The following NUDT3 variants were observed in gnomAD, a reference collection of about 807,000 sequenced individuals.
NUDT3 encodes the protein nudix hydrolase 3.
In NUDT3, 9 loss-of-function variants were observed where a neutral mutation model predicts 23.6. That is an observed-to-expected ratio of 0.38 (90% CI 0.23 to 0.66). The LOEUF (loss-of-function observed/expected upper bound fraction) is 0.66. NUDT3 is among the 30% of genes least tolerant of loss of function. The pLI, the probability that NUDT3 is intolerant of heterozygous loss-of-function variation, is 0.52. For missense variants in NUDT3, 172 were observed against 218.5 expected, an observed-to-expected ratio of 0.79 and a Z score of 1.34; for synonymous variants, 86 against 82.6, an observed-to-expected ratio of 1.04 and a Z score of -0.22.
At chr6:34,350,231 G>A (rs911018491) in intron 1 of NUDT3, among the ~76,000 whole-genome samples, 2 of 150,884 alleles carry the variant, frequency 1.3e-5, no homozygotes, top group Non-Finnish European at 2.9e-5. Flanking sequence ...CACTCAACAT[G>A]ATCTTGTTTC....
chr6:34,366,373 C>T (rs1450780058), intron 1 of NUDT3, among the ~76,000 whole-genome samples: 3 of 145,028 alleles, frequency 2.1e-5, no homozygotes, highest in South Asian at 2.2e-4. Flanking sequence ...AAGACCTTGT[C>T]GAAAAAAGAA....
chr6:34,315,207 A>C (rs7739939), intron 2 of NUDT3, among the ~76,000 whole-genome samples: 16,173 of 152,230 alleles, frequency 0.11, 914 homozygotes, highest in Non-Finnish European at 0.12. Context: ...ACTGGTTTTG[A>C]ATTCTTAAGT....
Position 34,357,296 on chromosome 6 carries a change from G to A in NUDT3, c.100-15324C>T, listed in dbSNP as rs116510348. Among the ~76,000 whole-genome samples, 1,395 of 152,144 alleles carry A rather than the reference G, an allele frequency of 9.2e-3. 15 individuals carry two copies. The highest frequency in any genetic ancestry group is 0.024 in the Middle Eastern group (7 of 294). On this transcript the variant is annotated intron_variant, in intron 1 of 4. Transcript: ENST00000607016. ...CACTATACTATTCAGTCCACTTTGG[G>A]AGAGGTTTTAAGTTTTCCATAATAA...
intron 2 of NUDT3, among the ~76,000 whole-genome samples, chr6:34,321,267 A>G (rs1022196797): frequency 2.6e-5 from 4 of 151,858 alleles, no homozygotes; most frequent in African/African-American, 9.7e-5. Flanking sequence ...GTGAAACCCC[A>G]TCTCTACTAA....
rs531968928 is a variant in NUDT3 at position 34,375,268 on chromosome 6, G to A, written c.99+16996C>T. 5.3e-5 allele frequency among the ~76,000 whole-genome samples: 8 copies of A among 152,144 alleles called. No homozygotes were observed. In the East Asian group the frequency reaches 1.4e-3, roughly 26 times the overall value. ...CTGAGGCAGGGGAATTGCTTGAAAC[G>A]GGGAGGCAGAGGTTGCAGTGAGCTG... On this transcript the variant is annotated intron_variant, in intron 1 of 4. Transcript: ENST00000607016.
At chr6:34,360,426 T>C (rs981662106) in intron 1 of NUDT3, among the ~76,000 whole-genome samples, 3 of 151,752 alleles carry the variant, frequency 2.0e-5, no homozygotes, top group East Asian at 1.9e-4. Context: ...ATACAAAAAT[T>C]AGCCAGGCAT....
intron 2 of NUDT3, among the ~76,000 whole-genome samples, chr6:34,304,179 G>C (rs1581854006): frequency 6.6e-6 from 1 of 151,616 alleles, no homozygotes; most frequent in African/African-American, 2.4e-5. Context: ...CTTGAACCTG[G>C]GATGCAGAGG....
At chr6:34,384,627 C>T (rs960001740) in intron 1 of NUDT3, among the ~76,000 whole-genome samples, 11 of 152,164 alleles carry the variant, frequency 7.2e-5, no homozygotes, top group South Asian at 2.1e-4. Flanking sequence ...AATAATATGA[C>T]AGATGAATAT....
At chr6:34,334,634 AAAAAAAG>A (rs974847372) in intron 2 of NUDT3, among the ~76,000 whole-genome samples, 12 of 151,676 alleles carry the variant, frequency 7.9e-5, no homozygotes, top group South Asian at 4.2e-4. Flanking sequence ...ACTCCATCTC[AAAAAAAG>A]AAAAAAGAAA....
intron 1 of NUDT3, among the ~76,000 whole-genome samples, chr6:34,384,910 T>A (rs1765080001): frequency 6.6e-6 from 1 of 151,778 alleles, no homozygotes; most frequent in Non-Finnish European, 1.5e-5. Flanking sequence ...GCACTTGTAC[T>A]TCCATCTACT....
chr6:34,369,372 A>C (rs1181027384), intron 1 of NUDT3, among the ~76,000 whole-genome samples: 1 of 152,248 alleles, frequency 6.6e-6, no homozygotes, highest in East Asian at 1.9e-4. Flanking sequence ...AAACAAAATT[A>C]ATCTAAAAAT....
chr6:34,308,167 A>G (rs1763712489), intron 2 of NUDT3, among the ~76,000 whole-genome samples: 1 of 112,988 alleles, frequency 8.9e-6, no homozygotes, highest in African/African-American at 3.2e-5. Flanking sequence ...AAAAAAAAAA[A>G]AAGATAGGCC....
chr6:34,321,321 C>G (rs753726839), intron 2 of NUDT3, among the ~76,000 whole-genome samples: 1 of 151,900 alleles, frequency 6.6e-6, no homozygotes, highest in Non-Finnish European at 1.5e-5. Context: ...ACCTGTAATC[C>G]CAGCTACTCA....
chr6:34,354,430 T>C (rs73403933), intron 1 of NUDT3, among the ~76,000 whole-genome samples: 46,283 of 135,646 alleles, frequency 0.34, 8,735 homozygotes, highest in African/African-American at 0.55. Flanking sequence ...CACACACACA[T>C]ACACACTCTT....
At chr6:34,389,886 T>C (rs1337111121) in intron 1 of NUDT3, among the ~76,000 whole-genome samples, 26 of 149,732 alleles carry the variant, frequency 1.7e-4, no homozygotes, top group African/African-American at 6.4e-4. Flanking sequence ...ATGGCGTGAA[T>C]CCGGGAGGCG....
At chr6:34,381,025 T>G (rs1765008075) in intron 1 of NUDT3, among the ~76,000 whole-genome samples, 1 of 152,036 alleles carries the variant, frequency 6.6e-6, no homozygotes, top group African/African-American at 2.4e-5. Context: ...CTGCATCTTA[T>G]TTTGCTTTTT....
chr6:34,315,998 C>G lies in NUDT3; in HGVS notation c.211-20313G>C, dbSNP rs1035187369. Among the ~76,000 whole-genome samples, 8 of 152,268 alleles carry G rather than the reference C, an allele frequency of 5.3e-5. No homozygotes were observed. In the South Asian group the frequency reaches 1.7e-3, roughly 32 times the overall value. On this transcript the variant is annotated intron_variant, in intron 2 of 4. Coordinates refer to ENST00000607016, the MANE Select transcript of NUDT3 (RefSeq NM_006703.4). ...TCTTCCCCTTTTTGACTGCCTTACT[C>G]GCCACTCTAGAAACCCACTTCAAAA...
chr6:34,384,254 A>G (rs1765068820), intron 1 of NUDT3, among the ~76,000 whole-genome samples: 1 of 152,206 alleles, frequency 6.6e-6, no homozygotes, highest in Non-Finnish European at 1.5e-5. Flanking sequence ...AATGTGAAGC[A>G]GCTCCCCTTT....
chr6:34,327,489 C>T (rs1481720638), intron 2 of NUDT3, among the ~76,000 whole-genome samples: 2 of 147,144 alleles, frequency 1.4e-5, no homozygotes, highest in Non-Finnish European at 3.0e-5. Flanking sequence ...GAGATCGTGC[C>T]ACTGCACTCC....
Sources: allele counts gnomAD v4.1 joint callset (sites outside exome capture counted in the v4.1 genomes callset), GRCh38; gene constraint gnomAD v4.1.1; transcripts MANE v1.5; gene names NCBI Gene and HGNC (gene_info 2026-07-23, HGNC 2026-07-21).